Variants in FBXO40 observed in about 807,000 individuals in gnomAD.
FBXO40 encodes the protein F-box protein 40, also known as F-box only protein 40.
In FBXO40, 50 loss-of-function variants were observed where a neutral mutation model predicts 49.9. That is an observed-to-expected ratio of 1.00 (90% confidence interval 0.80 to 1.27). The LOEUF is 1.27. FBXO40 is among the 50% of genes most tolerant of loss of function. The pLI, the probability that FBXO40 is intolerant of heterozygous loss-of-function variation, is 0.00. For synonymous variants in FBXO40, 340 were observed against 320.2 expected (o/e 1.06, Z -0.66); for missense variants, 895 against 870.1 (o/e 1.03, Z -0.36).
intron 3 of FBXO40, among the ~76,000 whole-genome samples, chr3:121,624,375 T>C (rs1436235992): frequency 1.3e-5 from 2 of 152,150 alleles, no homozygotes; most frequent in African/African-American, 2.4e-5. Context: ...GTCAGTTTAG[T>C]AGAAAAGACA....
intron 1 of FBXO40, among the ~76,000 whole-genome samples, chr3:121,610,131 A>G (rs941550237): frequency 2.6e-5 from 4 of 152,210 alleles, no homozygotes; most frequent in African/African-American, 9.6e-5. Context: ...ACAGTGGCCC[A>G]GGGCACAGTG....
In FBXO40 at chr3:121,621,759, C is replaced by A. The variant is rs747546878; in HGVS notation, c.330C>A (p.Thr110=). ...GGCCAAATGTGGACTCTGAAACCAC[C>A]CTTCATGAAAACATCATGAAAGAGA... is the stretch of plus-strand genomic sequence containing the variant. ...NRWPNVDSET[T]LHENIMKETP... is the part of the protein sequence containing the mutation. The change falls in exon 3 of 4, where the codon ACC becomes ACA. Residue 110 remains threonine (T), a synonymous_variant. Transcript: ENST00000338040. 91 of 1,614,188 alleles carry A rather than the reference C, an allele frequency of 5.6e-5. 1 individual carries two copies. The highest frequency in any genetic ancestry group is 5.1e-4 in the East Asian group (23 of 44,888).
intron 1 of FBXO40, among the ~76,000 whole-genome samples, chr3:121,603,090 G>A (rs2048909634): frequency 6.6e-6 from 1 of 152,162 alleles, no homozygotes; most frequent in African/African-American, 2.4e-5. Context: ...GTCCTCATGT[G>A]GTGGAAGGGA....
At position 121,627,073 on chromosome 3, in the gene FBXO40, AAGAATTTCCTAAGCCAT is replaced by A; in HGVS notation, c.*164_*180del. ...CCTTCGAAACCTCAACACGAGGCCT[AAGAATTTCCTAAGCCAT>A]GTCTTGTACCATAGTGCCACATTGA... On this transcript the variant is annotated 3_prime_UTR_variant, in exon 4 of 4. Coordinates refer to ENST00000338040, the MANE Select transcript of FBXO40 (RefSeq NM_016298.4). 1.6e-6 allele frequency: 1 copy of A among 627,762 alleles called. No homozygotes were observed. The highest frequency in any genetic ancestry group is 2.8e-6 in the Non-Finnish European group (1 of 357,696). The allele number at this position is 627,762 out of a possible 1,614,324, so 38.9% of individuals were successfully genotyped here. A position where few individuals can be genotyped will look rare whatever the true frequency, so the allele number is the denominator to read the frequency against.
rs150555906 is a variant in FBXO40, at chr3:121,606,762, T to C, written c.-31+13260T>C. 5.9e-3 allele frequency among the ~76,000 whole-genome samples: 896 copies of C among 152,316 alleles called. 10 individuals carry two copies. Among genetic ancestry groups the C allele is most frequent in the African/African-American group, 0.019 (802 of 41,572 alleles). On this transcript the variant is annotated intron_variant, in intron 1 of 3. Coordinates refer to ENST00000338040, the MANE Select transcript of FBXO40 (RefSeq NM_016298.4). ...AATAGAGATAGCCAGGTCTCTGATG[T>C]TTCCTGGCAAATTTAGCCGGAGTCC...
intron 1 of FBXO40, among the ~76,000 whole-genome samples, chr3:121,595,067 T>G (rs2048864552): frequency 6.6e-6 from 1 of 152,166 alleles, no homozygotes; most frequent in South Asian, 2.1e-4. Flanking sequence ...TTCTGTACAC[T>G]CTGACCTTTG....
chr3:121,626,547 G>A (rs907120667), intron 3 of FBXO40, 148 bp from the exon 4 acceptor site: 44 of 706,816 alleles, frequency 6.2e-5, no homozygotes, highest in Non-Finnish European at 1.0e-4. Context: ...GCTGGAGGAG[G>A]GGCTACCAAA....
At chr3:121,602,466 C>T (rs555994435) in intron 1 of FBXO40, among the ~76,000 whole-genome samples, 6 of 152,288 alleles carry the variant, frequency 3.9e-5, no homozygotes, top group African/African-American at 7.2e-5. Context: ...CTTCCTGGTT[C>T]GAAATCTTGG....
chr3:121,615,608 A>G (rs1362160005), intron 1 of FBXO40, among the ~76,000 whole-genome samples: 2 of 151,960 alleles, frequency 1.3e-5, no homozygotes, highest in Non-Finnish European at 2.9e-5. Flanking sequence ...AACTATAAGG[A>G]AACTATAAGG....
intron 1 of FBXO40, among the ~76,000 whole-genome samples, chr3:121,615,479 C>T (rs2048992326): frequency 2.1e-5 from 3 of 143,614 alleles, no homozygotes; most frequent in South Asian, 4.5e-4. Context: ...CATTTGAACC[C>T]GGGAGGTGGA....
chr3:121,622,767 C>T lies in FBXO40; in HGVS notation c.1338C>T (p.Asp446=), dbSNP rs764170628. The T allele has an allele frequency of 1.2e-6, 2 of 1,614,184 alleles. No homozygotes were observed. The highest frequency in any genetic ancestry group is 1.1e-5 in the South Asian group (1 of 91,080). Residue 446 remains aspartate (D), a synonymous_variant, in exon 3 of 4, where the codon GAC becomes GAT. Coordinates refer to ENST00000338040, the MANE Select transcript of FBXO40 (RefSeq NM_016298.4). ...TTTCCTCTGGGACAGTGCTGGCTGA[C>T]CTAACCGCTGCCACCCCAGGGGGAC... ...EQFSSGTVLA[D]LTAATPGGLH...
At chr3:121,604,233 T>G (rs2048919161) in intron 1 of FBXO40, among the ~76,000 whole-genome samples, 1 of 152,168 alleles carries the variant, frequency 6.6e-6, no homozygotes, top group Admixed American at 6.5e-5. Context: ...AGAGGTAGCT[T>G]GAAGCTGTTG....
At chr3:121,611,212 G>A (rs541341267) in intron 1 of FBXO40, among the ~76,000 whole-genome samples, 1 of 152,290 alleles carries the variant, frequency 6.6e-6, no homozygotes, top group East Asian at 1.9e-4. Flanking sequence ...AACAACAGTG[G>A]GCCCAGGGGA....
chr3:121,594,041 T>C (rs1408193717), intron 1 of FBXO40, among the ~76,000 whole-genome samples: 1 of 152,034 alleles, frequency 6.6e-6, no homozygotes, highest in Non-Finnish European at 1.5e-5. Context: ...AATTTTTGTA[T>C]TTTTTTAGTA....
chr3:121,606,306 A>G (rs1009191228), intron 1 of FBXO40, among the ~76,000 whole-genome samples: 7 of 152,242 alleles, frequency 4.6e-5, no homozygotes, highest in Non-Finnish European at 8.8e-5. Flanking sequence ...AGACTAGATT[A>G]GCAGACTGGG....
chr3:121,623,092 G>T lies in FBXO40; in HGVS notation c.1663G>T (p.Glu555Ter). Residue 555 changes from glutamate (E) to a stop codon, truncating the protein, a stop_gained, in exon 3 of 4, where the codon GAG becomes TAG. Transcript: ENST00000338040. LOFTEE classifies it high-confidence loss of function. The part of the protein sequence containing the change: ...IKPEVAPELS[E>*]GRKNNHLLGH... ...GCCGGAGGTTGCTCCAGAGCTGAGCGAGGGAAGGAAGAACAACCATCTTTT... is the reference window on the plus strand; with the variant it reads ...GCCGGAGGTTGCTCCAGAGCTGAGCTAGGGAAGGAAGAACAACCATCTTTT... The T allele has an allele frequency of 3.1e-6, 5 of 1,614,214 alleles. No individual in the cohort carries two copies. The highest frequency in any genetic ancestry group is 4.2e-6 in the Non-Finnish European group (5 of 1,180,042).
intron 1 of FBXO40, among the ~76,000 whole-genome samples, chr3:121,608,838 A>G (rs2048949544): frequency 6.6e-6 from 1 of 152,236 alleles, no homozygotes; most frequent in Admixed American, 6.5e-5. Flanking sequence ...CAATTTTTGG[A>G]CAAGAACATC....
chr3:121,620,484 T>C (rs542300026), intron 1 of FBXO40, 62 bp from the exon 2 acceptor site: 4 of 1,467,740 alleles, frequency 2.7e-6, no homozygotes, highest in South Asian at 1.1e-5. Flanking sequence ...CTTTAGCCTC[T>C]ATTAATATAG....
In FBXO40 at chr3:121,608,531, T is replaced by C. The variant is rs367597064; in HGVS notation, c.-30-12015T>C. Among the ~76,000 whole-genome samples the C allele has an allele frequency of 5.9e-4, 90 of 152,324 alleles. 2 individuals carry two copies. The South Asian group carries it at 0.018, about 31-fold the overall frequency. ...AATGGTTTAGAGCGTCTGTGGACTC[T>C]GGCAGACAAGCAGCTGGGTTTACTT... On this transcript the variant is annotated intron_variant, in intron 1 of 3. Coordinates refer to ENST00000338040, the MANE Select transcript of FBXO40 (RefSeq NM_016298.4).
Sources: allele counts gnomAD v4.1 joint callset (sites outside exome capture counted in the v4.1 genomes callset), GRCh38; gene constraint gnomAD v4.1.1; transcripts MANE v1.5; gene names NCBI Gene and HGNC (gene_info 2026-07-23, HGNC 2026-07-21).